RADX: variants seen among roughly 807,000 people sequenced by gnomAD.
The protein encoded by RADX is RPA-related protein RADX.
Under a neutral mutation model 61.6 loss-of-function variants are expected in RADX, and 36 were observed. The ratio of observed to expected loss-of-function variants is 0.58; its 90% CI spans 0.45 to 0.77. RADX has a LOEUF of 0.77. RADX is among the 30% of genes least tolerant of loss of function. RADX has a pLI of 0.00. For missense variants in RADX, 497 were observed against 651.1 expected, an observed-to-expected ratio of 0.76 and a Z score of 2.58; for synonymous variants, 272 against 237.9, an observed-to-expected ratio of 1.14 and a Z score of -1.32.
At chrX:106,648,638 A>G (rs1270022184) in intron 11 of RADX, among the ~76,000 whole-genome samples, 1 of 110,997 alleles carries the variant, frequency 9.0e-6, no homozygotes, top group Non-Finnish European at 1.9e-5. Context: ...CAAATGTACT[A>G]TTTTTAATAG....
intron 13 of RADX, 95 bp downstream of exon 13, chrX:106,669,425 A>AAAACTACACT: frequency 1.8e-6 from 1 of 549,638 alleles, no homozygotes; most frequent in Non-Finnish European, 2.9e-6. Context: ...TTTTAGCCTT[A>AAAACTACACT]AAATTTAGTG....
intron 1 of RADX, among the ~76,000 whole-genome samples, chrX:106,619,027 A>G (rs1485793003): frequency 1.9e-5 from 2 of 107,314 alleles, no homozygotes; most frequent in African/African-American, 3.4e-5. Context: ...ACCATATGCC[A>G]CCTTATTTTT....
chrX:106,625,144 G>A lies in RADX; in HGVS notation c.841G>A (p.Ala281Thr). The change falls in exon 3 of 14, where the codon GCC becomes ACC. Residue 281 changes from alanine (A) to threonine (T), a missense_variant. Coordinates refer to ENST00000372548, the MANE Select transcript of RADX (RefSeq NM_018015.6). Reference sequence around the variant, plus strand: ...CACAGTGTCAGTGATTATGTGGAATGCCCTGTGTCCTGAGTGGTATAAAAG... The same window carrying A: ...CACAGTGTCAGTGATTATGTGGAATACCCTGTGTCCTGAGTGGTATAAAAG... ...SGTVSVIMWNALCPEWYKSLR... is the reference protein window; with the variant it reads ...SGTVSVIMWNTLCPEWYKSLR... 1 of 1,205,619 alleles carries A rather than the reference G, an allele frequency of 8.3e-7. No individual in the cohort carries two copies. The highest frequency in any genetic ancestry group is 1.1e-6 in the Non-Finnish European group (1 of 892,682).
rs1032506483 is a variant in RADX at position 106,622,537 on chromosome X, CAAG to C, written c.644-110_644-108del. On this transcript the variant is annotated intron_variant, in intron 1 of 13. Transcript: ENST00000372548. ...GACTTAGCTGGCAAGGTTTAGCTGG[CAAG>C]AAGGAGTCACTTTAGGTATGATCAA... is the stretch of plus-strand genomic sequence containing the variant. The C allele has an allele frequency of 1.3e-5, 8 of 606,887 alleles. No homozygotes were observed. In the African/African-American group the frequency reaches 1.4e-4, roughly 11 times the overall value. The allele number at this position is 606,887 out of a possible 1,213,427, so 50.0% of individuals were successfully genotyped here.
intron 13 of RADX, among the ~76,000 whole-genome samples, chrX:106,674,800 C>A (rs774882880): frequency 9.0e-6 from 1 of 111,266 alleles, no homozygotes; most frequent in African/African-American, 3.3e-5. Context: ...CCAAGGCGGG[C>A]GGATCACGAG....
intron 10 of RADX, 48 bp from the exon 11 acceptor site, chrX:106,648,265 T>G: frequency 3.7e-6 from 3 of 810,931 alleles, no homozygotes; most frequent in Non-Finnish European, 5.4e-6. Context: ...GTTTTTCATT[T>G]GAGACTCTTT....
intron 10 of RADX, among the ~76,000 whole-genome samples, chrX:106,643,658 G>A (rs1927584301): frequency 9.0e-6 from 1 of 111,217 alleles, no homozygotes; most frequent in African/African-American, 3.3e-5. Flanking sequence ...GGATTTGTGT[G>A]TTGATCAATT....
In RADX at chrX:106,612,060, C is replaced by G; in HGVS notation, c.-21C>G. On this transcript the variant is annotated 5_prime_UTR_variant, in exon 1 of 14. Transcript: ENST00000372548. ...GGCAAACTAGCTTTTGGGAGTGAAG[C>G]GGGTACGCAGTTATCCAACAATGTC... 1 of 1,184,085 alleles carries G rather than the reference C, an allele frequency of 8.4e-7. No homozygotes were observed. Among genetic ancestry groups the G allele is most frequent in the South Asian group, 1.9e-5 (1 of 52,351 alleles).
intron 11 of RADX, among the ~76,000 whole-genome samples, chrX:106,655,356 T>A (rs752988419): frequency 9.2e-6 from 1 of 108,892 alleles, no homozygotes; most frequent in East Asian, 2.9e-4. Context: ...TCTTTTTTTA[T>A]TATACTTTAA....
At chrX:106,618,893 A>G (rs1012235350) in intron 1 of RADX, among the ~76,000 whole-genome samples, 1 of 111,914 alleles carries the variant, frequency 8.9e-6, no homozygotes, top group African/African-American at 3.2e-5. Flanking sequence ...TTTAAAAAGT[A>G]TATAGCTAAG....
At chrX:106,623,293 G>A (rs757224757) in intron 2 of RADX, among the ~76,000 whole-genome samples, 8 of 111,158 alleles carry the variant, frequency 7.2e-5, no homozygotes, top group Middle Eastern at 4.7e-3. Flanking sequence ...AACTCTAATT[G>A]TCAAATCTGT....
chrX:106,638,136 A>T, intron 8 of RADX: 1 of 334,540 alleles, frequency 3.0e-6, no homozygotes. Context: ...ATGGTGCTCT[A>T]AAGATTAATA....
At chrX:106,632,857 A>G in intron 4 of RADX, 75 bp from the exon 5 acceptor site, 1 of 994,614 alleles carries the variant, frequency 1.0e-6, no homozygotes, top group Non-Finnish European at 1.4e-6. Context: ...GTAGATATAC[A>G]TTTTCAAAAT....
At chrX:106,634,707 G>A (rs984864045) in intron 6 of RADX, among the ~76,000 whole-genome samples, 1 of 111,540 alleles carries the variant, frequency 9.0e-6, no homozygotes. Context: ...CAAGGTGAGT[G>A]GGCTATTAAC....
chrX:106,639,498 A>C (rs1480082808), intron 8 of RADX, 29 bp from the exon 9 acceptor site: 2 of 1,132,920 alleles, frequency 1.8e-6, no homozygotes, highest in Admixed American at 2.8e-5. Context: ...GTTCTTTAAA[A>C]CTTACAATTT....
intron 3 of RADX, among the ~76,000 whole-genome samples, chrX:106,628,728 T>G (rs1927133982): frequency 1.8e-5 from 2 of 108,540 alleles, no homozygotes; most frequent in Non-Finnish European, 3.8e-5. Context: ...ACTGCAACCT[T>G]CACCTCCTGG....
intron 11 of RADX, among the ~76,000 whole-genome samples, chrX:106,650,250 G>A (rs1426135099): frequency 1.8e-5 from 2 of 111,056 alleles, no homozygotes; most frequent in African/African-American, 6.5e-5. Context: ...TATGGTTGCA[G>A]TTCACATGAT....
Position 106,639,510 on chromosome X carries a change from C to A in RADX, c.1574-17C>A. ...TCAGTTCTTTAAAACTTACAATTTTCTTGGACTTTTTTGCAGTTGAGTCGC... is the reference window on the plus strand; with the variant it reads ...TCAGTTCTTTAAAACTTACAATTTTATTGGACTTTTTTGCAGTTGAGTCGC... On this transcript the variant is annotated splice_polypyrimidine_tract_variant and intron_variant, in intron 8 of 13. Coordinates refer to ENST00000372548, the MANE Select transcript of RADX (RefSeq NM_018015.6). 1 of 1,154,717 alleles carries A rather than the reference C, an allele frequency of 8.7e-7. No individual in the cohort carries two copies. Among genetic ancestry groups the A allele is most frequent in the Non-Finnish European group, 1.2e-6 (1 of 865,805 alleles).
chrX:106,678,011 G>A (rs1928550000), intron 13 of RADX, 117 bp from the exon 14 acceptor site: 1 of 401,464 alleles, frequency 2.5e-6, no homozygotes, highest in Admixed American at 4.1e-5. Context: ...AGGGAAGAGG[G>A]AGAGGATGGG....
Sources: gnomAD v4.1 joint callset for allele counts (sites outside exome capture counted in the v4.1 genomes callset) on GRCh38, gnomAD v4.1.1 for gene constraint, MANE v1.5 for transcripts, NCBI Gene and HGNC (gene_info 2026-07-23, HGNC 2026-07-21) for gene names.